The following SRRM1 variants were observed in gnomAD, a reference collection of about 807,000 sequenced individuals.
SRRM1 encodes the protein serine and arginine repetitive matrix 1.
Under a neutral mutation model 110.2 loss-of-function variants are expected in SRRM1, and 19 were observed. The observed-to-expected ratio is 0.17, with a 90% CI of 0.12 to 0.25. SRRM1 has a LOEUF of 0.25. SRRM1 is among the 10% of genes least tolerant of loss of function. The pLI is 1.00. For synonymous variants in SRRM1, 443 were observed against 414.9 expected, an observed-to-expected ratio of 1.07 and a Z score of -0.82; for missense variants, 918 against 1,145.8, an observed-to-expected ratio of 0.80 and a Z score of 2.87.
At chr1:24,652,263 C>T (rs980933922) in intron 6 of SRRM1, among the ~76,000 whole-genome samples, 171 bp from the exon 7 acceptor site, 1 of 151,092 alleles carries the variant, frequency 6.6e-6, no homozygotes, top group African/African-American at 2.4e-5. Context: ...TTATTAGTTG[C>T]TCTCTGGGTT....
chr1:24,648,994 C>T lies in SRRM1; in HGVS notation c.370C>T (p.Leu124=). Residue 124 remains leucine (L), a synonymous_variant, in exon 4 of 17, where the codon CTA becomes TTA. Coordinates refer to ENST00000323848, the MANE Select transcript of SRRM1 (RefSeq NM_005839.4). ...CATCGCGGGAATCCCTTCTGCTTTCCTAGAACTGAAGAAAGAAGAAATAAA... is the reference window on the plus strand; with the variant it reads ...CATCGCGGGAATCCCTTCTGCTTTCTTAGAACTGAAGAAAGAAGAAATAAA... The part of the protein sequence containing the change: ...ENIAGIPSAF[L]ELKKEEIKQR... 6.2e-7 allele frequency: 1 copy of T among 1,613,260 alleles called. No homozygotes were observed. Among genetic ancestry groups the T allele is most frequent in the Non-Finnish European group, 8.5e-7 (1 of 1,179,768 alleles).
chr1:24,659,291 CTG>C (rs1269785076), intron 9 of SRRM1, among the ~76,000 whole-genome samples: 1 of 152,126 alleles, frequency 6.6e-6, no homozygotes, highest in Non-Finnish European at 1.5e-5. Flanking sequence ...GATGCGATTA[CTG>C]TGTTAGATCA....
intron 9 of SRRM1, 51 bp from the exon 10 acceptor site, chr1:24,660,668 T>G (rs901461189): frequency 2.1e-6 from 2 of 957,498 alleles, no homozygotes; most frequent in African/African-American, 3.3e-5. Context: ...AAGCATCTTG[T>G]ATAGACCTTT....
In SRRM1 at chr1:24,669,211, C is replaced by T. The variant is rs747788631; in HGVS notation, c.1828C>T (p.Pro610Ser). 6.2e-7 allele frequency: 1 copy of T among 1,614,092 alleles called. No individual in the cohort carries two copies. Among genetic ancestry groups the T allele is most frequent in the Non-Finnish European group, 8.5e-7 (1 of 1,180,026 alleles). Reference protein sequence around the residue: ...IQRRYSPSPPPKRRTASPPPP... With the variant: ...IQRRYSPSPPSKRRTASPPPP... The stretch of plus-strand genomic sequence containing the variant: ...GAGGAGATACTCTCCTTCTCCACCT[C>T]CAAAGAGAAGAACGGCTTCACCTCC... Residue 610 changes from proline to serine, a missense_variant, in exon 14 of 17, where the codon CCA (proline) becomes TCA (serine). Transcript: ENST00000323848.
Position 24,650,206 on chromosome 1 carries a change from C to T in SRRM1, c.521+120C>T, listed in dbSNP as rs1172281296. The T allele has an allele frequency of 1.6e-4, 152 of 958,716 alleles. 1 individual carries two copies. Among genetic ancestry groups the T allele is most frequent in the Admixed American group, 3.9e-5 (1 of 25,500 alleles). 59.4% of individuals were successfully genotyped at this position (958,716 alleles called of 1,614,324 possible). The stretch of plus-strand genomic sequence containing the variant: ...GGAATTTGTTCCATCATGCAGTTTT[C>T]ATGGTGACCTGTGCCTTGCCTCTGG... On this transcript the variant is annotated intron_variant, in intron 5 of 16. Transcript: ENST00000323848.
At chr1:24,650,137 A>C in intron 5 of SRRM1, 51 bp downstream of exon 5, 3 of 1,453,026 alleles carry the variant, frequency 2.1e-6, no homozygotes, top group Middle Eastern at 1.8e-4. Context: ...TTTAGGTCTT[A>C]AGAAACTTCC....
intron 12 of SRRM1, among the ~76,000 whole-genome samples, chr1:24,665,607 G>C (rs1669593304): frequency 6.6e-6 from 1 of 152,032 alleles, no homozygotes. Flanking sequence ...CAGCTACTTG[G>C]GAGGCTGAGG....
intron 12 of SRRM1, among the ~76,000 whole-genome samples, chr1:24,665,397 C>T (rs533368468): frequency 6.7e-6 from 1 of 150,234 alleles, no homozygotes; most frequent in African/African-American, 2.5e-5. Context: ...CCATTGCACT[C>T]CAGCCTGGGC....
rs768638085 is a variant in SRRM1, at chr1:24,651,515, C to T, written c.628C>T (p.Pro210Ser). 3.7e-6 allele frequency: 6 copies of T among 1,614,036 alleles called. No homozygotes were observed. In the African/African-American group the frequency reaches 8.0e-5, roughly 22 times the overall value. ...CCGTCACAGAACCAAGAGCCGGAGT[C>T]CTTCCCCTGCTCCAGAAAAGAAGGA... is the stretch of plus-strand genomic sequence containing the variant. The part of the protein sequence containing the change: ...SPRHRTKSRS[P>S]SPAPEKKEKT... The change falls in exon 6 of 17, where the codon CCT becomes TCT. Residue 210 changes from proline (P) to serine (S), a missense_variant. Transcript: ENST00000323848.
intron 1 of SRRM1, among the ~76,000 whole-genome samples, chr1:24,644,816 G>C (rs1656386727): frequency 6.6e-6 from 1 of 152,140 alleles, no homozygotes; most frequent in Admixed American, 6.5e-5. Context: ...TCTGACTTTT[G>C]TCAAAATATT....
In SRRM1 at chr1:24,662,555, A is replaced by G. The variant is rs879886590; in HGVS notation, c.1484-105A>G. 1.5e-4 allele frequency: 159 copies of G among 1,079,058 alleles called. 1 individual carries two copies. Among genetic ancestry groups the G allele is most frequent in the Non-Finnish European group, 2.1e-4 (155 of 742,512 alleles). The allele number at this position is 1,079,058 out of a possible 1,614,324, so 66.8% of individuals were successfully genotyped here. A position where few individuals can be genotyped will look rare whatever the true frequency, so the allele number is the denominator to read the frequency against. Reference sequence around the variant, plus strand: ...TGTTCAGAACTGATGGCCTGTATACATGCTTGCTTACCCTAGTGAACACTC... The same window carrying G: ...TGTTCAGAACTGATGGCCTGTATACGTGCTTGCTTACCCTAGTGAACACTC... On this transcript the variant is annotated intron_variant, in intron 11 of 16. Transcript: ENST00000323848.
At chr1:24,653,978 T>C (rs1662562674) in intron 8 of SRRM1, among the ~76,000 whole-genome samples, 1 of 152,186 alleles carries the variant, frequency 6.6e-6, no homozygotes. Context: ...GAAAATTTTC[T>C]TTGGGGAGGG....
At chr1:24,663,575 G>T (rs1668328587) in intron 12 of SRRM1, among the ~76,000 whole-genome samples, 1 of 152,084 alleles carries the variant, frequency 6.6e-6, no homozygotes, top group African/African-American at 2.4e-5. Flanking sequence ...GATTTGGGGG[G>T]AGGGACTTTG....
At chr1:24,669,635 T>C (rs767990816) in intron 14 of SRRM1, 48 bp downstream of exon 14, 1 of 1,399,848 alleles carries the variant, frequency 7.1e-7, no homozygotes, top group Admixed American at 2.4e-5. Context: ...CATAGCTGTT[T>C]ATATTTGGAA....
At position 24,672,176 on chromosome 1, in the gene SRRM1, T is replaced by C. The variant is rs1557762461; in HGVS notation, c.2611-6T>C. Reference sequence around the variant, plus strand: ...GACTTAACCGTGTAAATTCTGTTTTTTTTAGGAGACTGAAAGTGAAGCTGA... The same window carrying C: ...GACTTAACCGTGTAAATTCTGTTTTCTTTAGGAGACTGAAAGTGAAGCTGA... On this transcript the variant is annotated splice_polypyrimidine_tract_variant and splice_region_variant and intron_variant, in intron 16 of 16. Transcript: ENST00000323848. 1 of 1,605,200 alleles carries C rather than the reference T, an allele frequency of 6.2e-7. No homozygotes were observed. Among genetic ancestry groups the C allele is most frequent in the East Asian group, 2.2e-5 (1 of 44,768 alleles).
At chr1:24,658,835 A>G (rs1051137256) in intron 9 of SRRM1, among the ~76,000 whole-genome samples, 20 of 152,214 alleles carry the variant, frequency 1.3e-4, no homozygotes, top group African/African-American at 3.6e-4. Context: ...CCTGATATCT[A>G]ATTGAGTGAT....
rs1670410221 is a variant in SRRM1 at position 24,667,139 on chromosome 1, G to T, written c.1739+214G>T. 1.3e-5 allele frequency among the ~76,000 whole-genome samples: 2 copies of T among 152,234 alleles called. 1 individual carries two copies. Among genetic ancestry groups the T allele is most frequent in the South Asian group, 4.1e-4 (2 of 4,830 alleles). On this transcript the variant is annotated intron_variant, in intron 13 of 16. Transcript: ENST00000323848. ...TTATTAGAGTAAGCAGACTAGCATT[G>T]TTCAGCCAGTCATAAAAGAACACGT...
Position 24,648,936 on chromosome 1 carries a change from A to G in SRRM1, c.312A>G (p.Glu104=). 6.2e-7 allele frequency: 1 copy of G among 1,613,796 alleles called. No homozygotes were observed. Among genetic ancestry groups the G allele is most frequent in the Non-Finnish European group, 8.5e-7 (1 of 1,179,860 alleles). Residue 104 remains glutamate (E), a synonymous_variant, in exon 4 of 17, where the codon GAA becomes GAG. Transcript: ENST00000323848. ...AAAATGCTCGAGAATTTATGGGAGA[A>G]CTGTGGCCCCTGCTGCTAAGTGCAC... ...NGKNAREFMG[E]LWPLLLSAQE... is the part of the protein sequence containing the mutation.
At position 24,650,069 on chromosome 1, in the gene SRRM1, G is replaced by T; in HGVS notation, c.504G>T (p.Arg168=). ...AAAGCAGCAGAGAAAAAAGGGAGCG[G>T]TCTCGTAGCCCAAGAAGGTATCATA... ...EKESSREKRE[R]SRSPRRRKSR... The change falls in exon 5 of 17, where the codon CGG becomes CGT. Residue 168 remains arginine (R), a synonymous_variant. Coordinates refer to ENST00000323848, the MANE Select transcript of SRRM1 (RefSeq NM_005839.4). 1 of 1,586,240 alleles carries T rather than the reference G, an allele frequency of 6.3e-7. No individual in the cohort carries two copies. The highest frequency in any genetic ancestry group is 8.6e-7 in the Non-Finnish European group (1 of 1,165,796).
Sources: gnomAD v4.1 joint callset for allele counts (sites outside exome capture counted in the v4.1 genomes callset) on GRCh38, gnomAD v4.1.1 for gene constraint, MANE v1.5 for transcripts, NCBI Gene and HGNC (gene_info 2026-07-23, HGNC 2026-07-21) for gene names.